The following PTPRT variants were observed in gnomAD, a reference collection of about 807,000 sequenced individuals.
PTPRT encodes the protein protein tyrosine phosphatase receptor type T, also known as receptor-type tyrosine-protein phosphatase T.
A neutral mutation model predicts 176.8 loss-of-function variants in PTPRT; 56 were observed. The ratio of observed to expected loss-of-function variants is 0.32; its 90% CI spans 0.26 to 0.40. The LOEUF (loss-of-function observed/expected upper bound fraction) is 0.40, where lower values mean the gene tolerates loss of function less well. Among genes scored for constraint, PTPRT ranks in the 10% least tolerant of loss-of-function variants. PTPRT has a pLI of 1.00. For synonymous variants in PTPRT, 783 were observed against 739.0 expected (o/e 1.06, Z -0.96); for missense variants, 1,540 against 1,908.2 (o/e 0.81, Z 3.60).
intron 2 of PTPRT, among the ~76,000 whole-genome samples, chr20:42,870,655 T>A (rs1319185211): frequency 6.6e-6 from 1 of 152,372 alleles, no homozygotes; most frequent in East Asian, 1.9e-4. Flanking sequence ...AATTGCATAA[T>A]GACTCATTTC....
chr20:42,395,099 T>C (rs1188329473), intron 9 of PTPRT, among the ~76,000 whole-genome samples: 1 of 152,178 alleles, frequency 6.6e-6, no homozygotes, highest in African/African-American at 2.4e-5. Flanking sequence ...AGTGCTCCCT[T>C]GGTATTTCCT....
intron 6 of PTPRT, among the ~76,000 whole-genome samples, chr20:42,751,246 C>T (rs1045069232): frequency 2.0e-5 from 3 of 152,082 alleles, no homozygotes. Context: ...TGCTGAAGGG[C>T]CCAGTGACCT....
intron 1 of PTPRT, among the ~76,000 whole-genome samples, chr20:42,973,512 C>G (rs1982776481): frequency 6.6e-6 from 1 of 152,100 alleles, no homozygotes; most frequent in Non-Finnish European, 1.5e-5. Context: ...TGTAGATTAT[C>G]TGCAATTATT....
intron 2 of PTPRT, among the ~76,000 whole-genome samples, chr20:42,875,785 G>A (rs572257737): frequency 6.6e-6 from 1 of 152,160 alleles, no homozygotes; most frequent in South Asian, 2.1e-4. Context: ...GCACAGCCTG[G>A]ACCCTTTCCA....
intron 1 of PTPRT, among the ~76,000 whole-genome samples, chr20:42,909,613 C>A (rs1218311766): frequency 6.6e-6 from 1 of 152,148 alleles, no homozygotes; most frequent in Admixed American, 6.5e-5. Context: ...GTGCCTGGCT[C>A]TGGCAGTGAT....
intron 1 of PTPRT, among the ~76,000 whole-genome samples, chr20:42,904,862 A>G (rs535290059): frequency 5.9e-5 from 9 of 152,368 alleles, no homozygotes; most frequent in Non-Finnish European, 1.3e-4. Flanking sequence ...CTGGCTAGCC[A>G]TATGTAGAAA....
chr20:42,113,741 T>G (rs1987133695), intron 22 of PTPRT, among the ~76,000 whole-genome samples: 1 of 152,184 alleles, frequency 6.6e-6, no homozygotes, highest in South Asian at 2.1e-4. Context: ...AGAGCTCCCC[T>G]GATATACCTC....
At chr20:42,601,518 T>C (rs536504658) in intron 7 of PTPRT, among the ~76,000 whole-genome samples, 20 of 152,310 alleles carry the variant, frequency 1.3e-4, no homozygotes, top group Non-Finnish European at 2.6e-4. Flanking sequence ...ATTAATCTAG[T>C]CAGATACAAA....
chr20:42,761,423 A>G (rs2076913999), intron 5 of PTPRT, among the ~76,000 whole-genome samples: 1 of 150,200 alleles, frequency 6.7e-6, no homozygotes, highest in Admixed American at 6.6e-5. Context: ...AATAAGAGAG[A>G]AATTCCATCT....
At chr20:42,277,365 G>A (rs887690875) in intron 13 of PTPRT, among the ~76,000 whole-genome samples, 3 of 152,186 alleles carry the variant, frequency 2.0e-5, no homozygotes, top group African/African-American at 4.8e-5. Flanking sequence ...CCACTCGGGC[G>A]CACCCAGCGG....
chr20:42,257,667 C>G (rs1187772493), intron 13 of PTPRT, among the ~76,000 whole-genome samples: 5 of 130,862 alleles, frequency 3.8e-5, no homozygotes, highest in Non-Finnish European at 8.0e-5. Context: ...GCCCACTACT[C>G]TCTCTTGATC....
chr20:43,159,908 C>G (rs567272946), intron 1 of PTPRT, among the ~76,000 whole-genome samples: 1 of 151,910 alleles, frequency 6.6e-6, no homozygotes, highest in Non-Finnish European at 1.5e-5. Context: ...CTGATGACAT[C>G]CAGCACTGCC....
intron 12 of PTPRT, among the ~76,000 whole-genome samples, chr20:42,314,356 G>A (rs575465118): frequency 9.9e-5 from 15 of 151,808 alleles, no homozygotes; most frequent in South Asian, 2.1e-4. Context: ...GTAAAACCCC[G>A]TCTCTACCAA....
chr20:42,958,405 A>G (rs1358498013), intron 1 of PTPRT, among the ~76,000 whole-genome samples: 104 of 75,324 alleles, frequency 1.4e-3, no homozygotes, highest in South Asian at 2.9e-3. Context: ...GAATGGTGGG[A>G]AAGGGAAGAA....
intron 1 of PTPRT, among the ~76,000 whole-genome samples, chr20:43,052,895 C>A (rs1987101084): frequency 6.6e-6 from 1 of 152,178 alleles, no homozygotes; most frequent in African/African-American, 2.4e-5. Flanking sequence ...CATAGAATTA[C>A]CAGATAACCT....
intron 12 of PTPRT, among the ~76,000 whole-genome samples, chr20:42,299,703 A>G (rs2057433316): frequency 1.6e-5 from 2 of 126,306 alleles, no homozygotes; most frequent in Admixed American, 1.0e-4. Context: ...GCTGGAGTGC[A>G]GTGGCGCTAT....
At chr20:42,892,716 G>C (rs2079216079) in intron 1 of PTPRT, among the ~76,000 whole-genome samples, 1 of 152,096 alleles carries the variant, frequency 6.6e-6, no homozygotes, top group Non-Finnish European at 1.5e-5. Flanking sequence ...CATGATTCTT[G>C]GGGGAGACGT....
chr20:42,364,286 T>C (rs1382936702), intron 9 of PTPRT, among the ~76,000 whole-genome samples: 2 of 152,190 alleles, frequency 1.3e-5, no homozygotes, highest in African/African-American at 4.8e-5. Context: ...TCTATTGCAC[T>C]TTTCTTTCAT....
intron 1 of PTPRT, among the ~76,000 whole-genome samples, chr20:42,917,079 G>A (rs1011243086): frequency 6.6e-6 from 1 of 152,114 alleles, no homozygotes; most frequent in Non-Finnish European, 1.5e-5. Context: ...TTCTTCTAGG[G>A]TTTTTATGGT....
Sources: gnomAD v4.1 joint callset for allele counts (sites outside exome capture counted in the v4.1 genomes callset) on GRCh38, gnomAD v4.1.1 for gene constraint, MANE v1.5 for transcripts, NCBI Gene and HGNC (gene_info 2026-07-23, HGNC 2026-07-21) for gene names.